PEX11A: variants seen among roughly 807,000 people sequenced by gnomAD.
The protein encoded by PEX11A is peroxisomal membrane protein 11A.
PEX11A carries 13 observed loss-of-function variants against 14.4 expected under a neutral mutation model. That is an observed-to-expected ratio of 0.90 (90% confidence interval 0.59 to 1.43). The LOEUF is 1.43. PEX11A is among the 40% of genes most tolerant of loss of function. The pLI is 0.00. For synonymous variants in PEX11A, 101 were observed against 113.0 expected, an observed-to-expected ratio of 0.89 and a Z score of 0.67; for missense variants, 290 against 302.8, an observed-to-expected ratio of 0.96 and a Z score of 0.31.
At position 89,686,923 on chromosome 15, in the gene PEX11A, G is replaced by GTT. The variant is rs536000290; in HGVS notation, c.57-379_57-378dup. On this transcript the variant is annotated intron_variant, in intron 1 of 2. Coordinates refer to ENST00000300056, the MANE Select transcript of PEX11A (RefSeq NM_003847.3). The stretch of plus-strand genomic sequence containing the variant: ...TTCCCCAGTGTAGATTTCTTTCTTT[G>GTT]TTTTTTTTTTGTTTGTTTTTGATCG... Among the ~76,000 whole-genome samples the GTT allele has an allele frequency of 7.4e-5, 11 of 147,868 alleles. No individual in the cohort carries two copies. In the East Asian group the frequency reaches 1.4e-3, roughly 19 times the overall value.
chr15:89,690,227 G>C (rs1391049524), intron 1 of PEX11A, among the ~76,000 whole-genome samples: 1 of 152,238 alleles, frequency 6.6e-6, no homozygotes, highest in Non-Finnish European at 1.5e-5. Flanking sequence ...TCCCTCGGAA[G>C]AATGTTGAGT....
Position 89,681,596 on chromosome 15 carries a change from A to G in PEX11A, c.*1781T>C. ...TACAGTAGAGGATCTGGACAATAAA[A>G]ATAGTTATTTAAGCTTTTTATTTTC... On this transcript the variant is annotated 3_prime_UTR_variant, in exon 3 of 3. Coordinates refer to ENST00000300056, the MANE Select transcript of PEX11A (RefSeq NM_003847.3). 1 of 678,978 alleles carries G rather than the reference A, an allele frequency of 1.5e-6. No individual in the cohort carries two copies. Among genetic ancestry groups the G allele is most frequent in the Non-Finnish European group, 2.7e-6 (1 of 374,396 alleles). 42.1% of individuals were successfully genotyped at this position (678,978 alleles called of 1,614,324 possible). A position where few individuals can be genotyped will look rare whatever the true frequency, so the allele number is the denominator to read the frequency against.
chr15:89,683,333 G>A lies in PEX11A; in HGVS notation c.*44C>T, dbSNP rs755675275. ...TATACAAATGTCTGTCCCACCAAGA[G>A]GCCATCTTTTAAAGTAGGTACTAGT... On this transcript the variant is annotated 3_prime_UTR_variant, in exon 3 of 3. Transcript: ENST00000300056. 7 of 1,301,016 alleles carry A rather than the reference G, an allele frequency of 5.4e-6. No homozygotes were observed. The highest frequency in any genetic ancestry group is 2.3e-5 in the East Asian group (1 of 43,432). The allele number at this position is 1,301,016 out of a possible 1,614,324, so 80.6% of individuals were successfully genotyped here.
At position 89,683,843 on chromosome 15, in the gene PEX11A, C is replaced by G; in HGVS notation, c.278G>C (p.Arg93Pro). The G allele has an allele frequency of 6.2e-7, 1 of 1,613,910 alleles. No individual in the cohort carries two copies. The highest frequency in any genetic ancestry group is 8.5e-7 in the Non-Finnish European group (1 of 1,179,782). ...GGTGTCACAGATGAAATAAATCACA[C>G]GGTTCAGGTTGGCTAATGTTAAGCA... ...RLCLTLANLN[R>P]VIYFICDTIL... The change falls in exon 3 of 3, where the codon CGT (arginine) becomes CCT (proline). Residue 93 changes from arginine (R) to proline (P), a missense_variant. Coordinates refer to ENST00000300056, the MANE Select transcript of PEX11A (RefSeq NM_003847.3).
intron 2 of PEX11A, among the ~76,000 whole-genome samples, chr15:89,684,777 T>A (rs1964652846): frequency 6.6e-6 from 1 of 152,216 alleles, no homozygotes; most frequent in Admixed American, 6.5e-5. Context: ...ACTGAACACC[T>A]TCTGAGAAAG....
At position 89,683,190 on chromosome 15, in the gene PEX11A, C is replaced by T. The variant is rs539103179; in HGVS notation, c.*187G>A. On this transcript the variant is annotated 3_prime_UTR_variant, in exon 3 of 3. Transcript: ENST00000300056. Reference sequence around the variant, plus strand: ...ACAAGTCACTCCAGCACTCCAAAAACATACAACTCTTCATGCTCCTCCCTT... The same window carrying T: ...ACAAGTCACTCCAGCACTCCAAAAATATACAACTCTTCATGCTCCTCCCTT... 3.4e-6 allele frequency: 2 copies of T among 596,660 alleles called. No homozygotes were observed. Among genetic ancestry groups the T allele is most frequent in the South Asian group, 4.7e-5 (2 of 42,344 alleles). The allele number at this position is 596,660 out of a possible 1,614,324, so 37.0% of individuals were successfully genotyped here. A position where few individuals can be genotyped will look rare whatever the true frequency, so the allele number is the denominator to read the frequency against.
Position 89,683,191 on chromosome 15 carries a change from A to C in PEX11A, c.*186T>G. On this transcript the variant is annotated 3_prime_UTR_variant, in exon 3 of 3. Transcript: ENST00000300056. ...CAAGTCACTCCAGCACTCCAAAAACATACAACTCTTCATGCTCCTCCCTTC... is the reference window on the plus strand; with the variant it reads ...CAAGTCACTCCAGCACTCCAAAAACCTACAACTCTTCATGCTCCTCCCTTC... The C allele has an allele frequency of 1.7e-6, 1 of 603,104 alleles. No individual in the cohort carries two copies. The highest frequency in any genetic ancestry group is 2.9e-6 in the Non-Finnish European group (1 of 341,582). 37.4% of individuals were successfully genotyped at this position (603,104 alleles called of 1,614,324 possible). A position where few individuals can be genotyped will look rare whatever the true frequency, so the allele number is the denominator to read the frequency against.
chr15:89,683,781 TGC>T lies in PEX11A; in HGVS notation c.338_339del (p.Gly113AspfsTer28), dbSNP rs1389819231. ...LWVRSVGLTSGINKEKWRTRA... is the reference protein window; with the variant it reads ...LWVRSVGLTSXINKEKWRTRA... ...CTCGTTCGCCATTTCTCTTTGTTGA[TGC>T]CAGAGGTGAGACCTACGCTCCTCAC... On this transcript the variant is annotated frameshift_variant, in exon 3 of 3. Transcript: ENST00000300056. LOFTEE classifies it low-confidence loss of function (END_TRUNC). 2.5e-6 allele frequency: 4 copies of T among 1,614,074 alleles called. No individual in the cohort carries two copies. The East Asian group carries it at 8.9e-5, about 36-fold the overall frequency.
chr15:89,687,974 C>T (rs979477875), intron 1 of PEX11A: 6 of 554,498 alleles, frequency 1.1e-5, no homozygotes, highest in Non-Finnish European at 2.1e-5. Flanking sequence ...TATCTCCTCC[C>T]AGTTCAAAAT....
Position 89,690,722 on chromosome 15 carries a change from G to T in PEX11A, c.-90C>A. On this transcript the variant is annotated 5_prime_UTR_variant, in exon 1 of 3. Coordinates refer to ENST00000300056, the MANE Select transcript of PEX11A (RefSeq NM_003847.3). ...ATCCCCAGGGAACGGTCAGTCCCAG[G>T]TTATCCGCTGAGGGGGAGGGGCTGA... The T allele has an allele frequency of 3.3e-6, 3 of 919,998 alleles. No homozygotes were observed. The highest frequency in any genetic ancestry group is 3.3e-6 in the Non-Finnish European group (2 of 598,388). The allele number at this position is 919,998 out of a possible 1,614,324, so 57.0% of individuals were successfully genotyped here. A position where few individuals can be genotyped will look rare whatever the true frequency, so the allele number is the denominator to read the frequency against.
Position 89,686,483 on chromosome 15 carries a change from C to G in PEX11A, c.120G>C (p.Lys40Asn). The change falls in exon 2 of 3, where the codon AAG (lysine) becomes AAC (asparagine). Residue 40 changes from lysine to asparagine, a missense_variant. Transcript: ENST00000300056. ...YLLEPKAGKE[K>N]VVMKLKKLES... ...CCAGTTTCTTGAGCTTCATTACCACCTTCTCTTTGCCAGCTTTGGGCTCTA... is the reference window on the plus strand; with the variant it reads ...CCAGTTTCTTGAGCTTCATTACCACGTTCTCTTTGCCAGCTTTGGGCTCTA... 6.2e-7 allele frequency: 1 copy of G among 1,608,204 alleles called. No individual in the cohort carries two copies. The highest frequency in any genetic ancestry group is 8.5e-7 in the Non-Finnish European group (1 of 1,174,666).
intron 2 of PEX11A, among the ~76,000 whole-genome samples, chr15:89,684,794 A>G (rs1214662723): frequency 6.6e-6 from 1 of 152,252 alleles, no homozygotes; most frequent in Non-Finnish European, 1.5e-5. Context: ...AAAGAGTTAT[A>G]GTACTAAATG....
At chr15:89,687,296 C>G (rs1964692431) in intron 1 of PEX11A, among the ~76,000 whole-genome samples, 1 of 152,116 alleles carries the variant, frequency 6.6e-6, no homozygotes, top group Admixed American at 6.6e-5. Flanking sequence ...GACACAAACT[C>G]AAACCAGAAC....
intron 2 of PEX11A, among the ~76,000 whole-genome samples, chr15:89,686,109 A>G (rs1964672098): frequency 1.3e-5 from 2 of 152,244 alleles, no homozygotes; most frequent in Admixed American, 6.5e-5. Flanking sequence ...TCACAGGAGC[A>G]GAAGCTCATG....
Position 89,683,220 on chromosome 15 carries a change from G to A in PEX11A, c.*157C>T, listed in dbSNP as rs902854998. The A allele has an allele frequency of 1.7e-5, 11 of 639,120 alleles. No homozygotes were observed. Among genetic ancestry groups the A allele is most frequent in the African/African-American group, 3.6e-5 (2 of 55,148 alleles). 39.6% of individuals were successfully genotyped at this position (639,120 alleles called of 1,614,324 possible). ...AACTCTTCATGCTCCTCCCTTCTCC[G>A]TTCTTGGCCTCATCTCTGCCCACAT... On this transcript the variant is annotated 3_prime_UTR_variant, in exon 3 of 3. Coordinates refer to ENST00000300056, the MANE Select transcript of PEX11A (RefSeq NM_003847.3).
intron 1 of PEX11A, among the ~76,000 whole-genome samples, chr15:89,687,747 T>C (rs1964697906): frequency 6.6e-6 from 1 of 152,144 alleles, no homozygotes; most frequent in Admixed American, 6.5e-5. Context: ...TCATAAACAA[T>C]CGCTTTCTCT....
chr15:89,689,458 T>C (rs985564519), intron 1 of PEX11A, among the ~76,000 whole-genome samples: 2 of 152,210 alleles, frequency 1.3e-5, no homozygotes, highest in Non-Finnish European at 2.9e-5. Context: ...CAGAAGAGAA[T>C]GCAGAGCTGT....
At position 89,690,596 on chromosome 15, in the gene PEX11A, C is replaced by T; in HGVS notation, c.37G>A (p.Gly13Ser). The T allele has an allele frequency of 6.4e-7, 1 of 1,551,402 alleles. No homozygotes were observed. The highest frequency in any genetic ancestry group is 8.7e-7 in the Non-Finnish European group (1 of 1,146,922). The change falls in exon 1 of 3, where the codon GGC becomes AGC. Residue 13 changes from glycine to serine, a missense_variant. Transcript: ENST00000300056. The stretch of plus-strand genomic sequence containing the variant: ...ACTCACCTGAAGAGTCGGTCCCGGC[C>T]CTGGGTCTGGTTGGTGAAGCGGGTG... ...AFTRFTNQTQGRDRLFRATQY... is the reference protein window; with the variant it reads ...AFTRFTNQTQSRDRLFRATQY...
In PEX11A at chr15:89,687,088, T is replaced by C. The variant is rs182799708; in HGVS notation, c.57-542A>G. On this transcript the variant is annotated intron_variant, in intron 1 of 2. Transcript: ENST00000300056. ...ACAGGTGTGTGCCACCACGCCCAGC[T>C]AATTTTTGTATTTTTAATAGACACG... Among the ~76,000 whole-genome samples the C allele has an allele frequency of 5.0e-4, 76 of 152,180 alleles. 1 individual carries two copies. Among genetic ancestry groups the C allele is most frequent in the South Asian group, 1.0e-3 (5 of 4,816 alleles).
Sources: allele counts gnomAD v4.1 joint callset (sites outside exome capture counted in the v4.1 genomes callset), GRCh38; gene constraint gnomAD v4.1.1; transcripts MANE v1.5; gene names NCBI Gene and HGNC (gene_info 2026-07-23, HGNC 2026-07-21).